SPAG17: variants seen among roughly 807,000 people sequenced by gnomAD.
SPAG17 encodes the protein sperm-associated antigen 17.
SPAG17 carries 169 observed loss-of-function variants against 273.6 expected under a neutral mutation model. That is an observed-to-expected ratio of 0.62 (90% CI 0.55 to 0.70). The LOEUF (loss-of-function observed/expected upper bound fraction) is 0.70, where lower values mean the gene tolerates loss of function less well. Ranked by LOEUF, SPAG17 falls within the 30% of genes least tolerant of loss-of-function variation. The probability of loss-of-function intolerance (pLI) is 0.00; values close to 1 mark genes in which losing one functional copy is unlikely to be tolerated. For missense variants in SPAG17, 2,557 were observed against 2,627.8 expected (o/e 0.97, Z 0.59); for synonymous variants, 825 against 873.2 (o/e 0.94, Z 0.97).
chr1:118,137,491 G>A (rs778528386), intron 3 of SPAG17, among the ~76,000 whole-genome samples: 10 of 152,288 alleles, frequency 6.6e-5, no homozygotes, highest in Non-Finnish European at 1.2e-4. Flanking sequence ...TGAGCACTGT[G>A]ATCCAAATAT....
In SPAG17 at chr1:117,973,335, C is replaced by G. The variant is rs968828075; in HGVS notation, c.6141+90G>C. On this transcript the variant is annotated intron_variant, in intron 44 of 48. Transcript: ENST00000336338. ...ATGAATCAGAATTACATAAAATCTA[C>G]AAAAGGAGCAGGATTGAAAAAAATA... is the stretch of plus-strand genomic sequence containing the variant. 9.4e-6 allele frequency: 14 copies of G among 1,492,130 alleles called. No individual in the cohort carries two copies. In the Middle Eastern group the frequency reaches 9.2e-4, roughly 98 times the overall value. 92.4% of individuals were successfully genotyped at this position (1,492,130 alleles called of 1,614,324 possible).
chr1:117,988,450 A>G (rs555114379), intron 38 of SPAG17, among the ~76,000 whole-genome samples: 1 of 152,324 alleles, frequency 6.6e-6, no homozygotes, highest in Non-Finnish European at 1.5e-5. Flanking sequence ...CATTTATCCC[A>G]TATTATTAGG....
intron 20 of SPAG17, among the ~76,000 whole-genome samples, chr1:118,047,978 C>T (rs1329805103): frequency 5.3e-5 from 8 of 152,144 alleles, no homozygotes; most frequent in Admixed American, 5.2e-4. Context: ...GAGCACTGGG[C>T]TGGTTCCTGT....
At chr1:118,169,699 A>G (rs1433439899) in intron 1 of SPAG17, among the ~76,000 whole-genome samples, 1 of 152,150 alleles carries the variant, frequency 6.6e-6, no homozygotes, top group Non-Finnish European at 1.5e-5. Flanking sequence ...TATCATCTAT[A>G]TATAACTTTC....
intron 20 of SPAG17, among the ~76,000 whole-genome samples, chr1:118,044,657 T>TGGAGGA (rs1042783068): frequency 1.3e-5 from 2 of 152,200 alleles, no homozygotes; most frequent in African/African-American, 4.8e-5. Flanking sequence ...TCTCCAATGT[T>TGGAGGA]GGAGGAGGAG....
chr1:118,110,181 C>T, intron 4 of SPAG17, among the ~76,000 whole-genome samples: 1 of 151,988 alleles, frequency 6.6e-6, no homozygotes, highest in East Asian at 1.9e-4. Flanking sequence ...AACTTAAATG[C>T]TCAATGATAG....
intron 44 of SPAG17, 54 bp downstream of exon 44, chr1:117,973,371 A>T: frequency 6.3e-7 from 1 of 1,574,960 alleles, no homozygotes; most frequent in Non-Finnish European, 8.6e-7. Flanking sequence ...AAAAATAAAG[A>T]ATTCCATCAA....
intron 3 of SPAG17, 200 bp downstream of exon 3, chr1:118,150,343 G>A (rs939951016): frequency 2.7e-6 from 1 of 371,608 alleles, no homozygotes; most frequent in African/African-American, 2.1e-5. Context: ...AATTGTATTT[G>A]TAAAGGGAAA....
At position 117,953,817 on chromosome 1, in the gene SPAG17, T is replaced by C. The variant is rs2273580; in HGVS notation, c.*233A>G. The C allele has an allele frequency of 0.031, 18,906 of 608,008 alleles. 811 individuals are homozygous for C. The highest frequency in any genetic ancestry group is 0.11 in the South Asian group (5,119 of 45,674). The allele number at this position is 608,008 out of a possible 1,614,324, so 37.7% of individuals were successfully genotyped here. A position where few individuals can be genotyped will look rare whatever the true frequency, so the allele number is the denominator to read the frequency against. ...ACCTGAGTCCATGACACTCAGTCTCTTCCCTGTACATTAAAAAATAAGAAA... is the reference window on the plus strand; with the variant it reads ...ACCTGAGTCCATGACACTCAGTCTCCTCCCTGTACATTAAAAAATAAGAAA... On this transcript the variant is annotated 3_prime_UTR_variant, in exon 49 of 49. Coordinates refer to ENST00000336338, the MANE Select transcript of SPAG17 (RefSeq NM_206996.4).
chr1:117,982,936 T>C (rs533573006), intron 42 of SPAG17, among the ~76,000 whole-genome samples: 1 of 152,186 alleles, frequency 6.6e-6, no homozygotes, highest in African/African-American at 2.4e-5. Flanking sequence ...TTGGTAGACA[T>C]TTTTCTCTGT....
intron 12 of SPAG17, 111 bp downstream of exon 12, chr1:118,086,559 AT>A: frequency 1.1e-6 from 1 of 901,610 alleles, no homozygotes; most frequent in African/African-American, 1.7e-5. Context: ...TATTTTGTAC[AT>A]TACATTTTAA....
Position 117,968,225 on chromosome 1 carries a change from C to T in SPAG17, c.6388-1472G>A, listed in dbSNP as rs186234683. 2.6e-5 allele frequency among the ~76,000 whole-genome samples: 4 copies of T among 152,236 alleles called. No individual in the cohort carries two copies. The East Asian group carries it at 7.7e-4, about 29-fold the overall frequency. On this transcript the variant is annotated intron_variant, in intron 46 of 48. Transcript: ENST00000336338. The stretch of plus-strand genomic sequence containing the variant: ...TTTTTTTTGCCAGAGCCAAAACCTA[C>T]TATCAAAAACTTAAAAAAATAAACT...
chr1:118,034,979 C>T (rs1648909234), intron 24 of SPAG17, among the ~76,000 whole-genome samples: 1 of 152,098 alleles, frequency 6.6e-6, no homozygotes, highest in Non-Finnish European at 1.5e-5. Context: ...GCTGTACTGT[C>T]TACTTTTTCT....
Position 118,051,714 on chromosome 1 carries a change from G to A in SPAG17, c.2814+2288C>T, listed in dbSNP as rs566605753. Among the ~76,000 whole-genome samples, 161 of 143,102 alleles carry A rather than the reference G, an allele frequency of 1.1e-3. 1 individual carries two copies. Among genetic ancestry groups the A allele is most frequent in the African/African-American group, 3.9e-3 (152 of 39,132 alleles). 93.9% of individuals were successfully genotyped at this position (143,102 alleles called of 152,430 possible). A position where few individuals can be genotyped will look rare whatever the true frequency, so the allele number is the denominator to read the frequency against. ...ATAGTATGTATAGTTATAATATATA[G>A]TATAATTACAATATATGATATGGTT... On this transcript the variant is annotated intron_variant, in intron 20 of 48. Coordinates refer to ENST00000336338, the MANE Select transcript of SPAG17 (RefSeq NM_206996.4).
At chr1:118,091,189 T>C (rs1655348391) in intron 10 of SPAG17, among the ~76,000 whole-genome samples, 1 of 152,134 alleles carries the variant, frequency 6.6e-6, no homozygotes, top group Non-Finnish European at 1.5e-5. Context: ...TTAAGACATA[T>C]TCATTAAGAA....
At chr1:118,022,321 C>G (rs1660578092) in intron 28 of SPAG17, among the ~76,000 whole-genome samples, 1 of 152,010 alleles carries the variant, frequency 6.6e-6, no homozygotes, top group Non-Finnish European at 1.5e-5. Flanking sequence ...TCCTGTTACA[C>G]AAATATACAC....
At chr1:118,153,242 C>T (rs971292093) in intron 1 of SPAG17, among the ~76,000 whole-genome samples, 28 of 152,258 alleles carry the variant, frequency 1.8e-4, no homozygotes, top group African/African-American at 6.5e-4. Flanking sequence ...ATCTGCCATG[C>T]GTCAGGCATA....
chr1:118,086,692 G>A lies in SPAG17; in HGVS notation c.1590C>T (p.Ala530=). ...PLLLNYHDAH[A]HKKYALQDQK... ...TTACCTGTAGTGCGTACTTCTTGTG[G>A]GCGTGTGCATCATGATAGTTCAGTA... Residue 530 remains alanine, a synonymous_variant, in exon 12 of 49, where the codon GCC becomes GCT. Coordinates refer to ENST00000336338, the MANE Select transcript of SPAG17 (RefSeq NM_206996.4). 1 of 1,614,068 alleles carries A rather than the reference G, an allele frequency of 6.2e-7. No individual in the cohort carries two copies. Among genetic ancestry groups the A allele is most frequent in the Non-Finnish European group, 8.5e-7 (1 of 1,180,002 alleles).
intron 18 of SPAG17, among the ~76,000 whole-genome samples, chr1:118,063,565 A>C (rs1486994605): frequency 6.6e-6 from 1 of 152,190 alleles, no homozygotes; most frequent in Non-Finnish European, 1.5e-5. Flanking sequence ...CCTTCCTTAC[A>C]CCTGATACAA....
Sources: gnomAD v4.1 joint callset for allele counts (sites outside exome capture counted in the v4.1 genomes callset) on GRCh38, gnomAD v4.1.1 for gene constraint, MANE v1.5 for transcripts, NCBI Gene and HGNC (gene_info 2026-07-23, HGNC 2026-07-21) for gene names.